The following PDE10A variants were observed in gnomAD, a reference collection of about 807,000 sequenced individuals.
PDE10A encodes phosphodiesterase 10A, also known as cAMP and cAMP-inhibited cGMP 3',5'-cyclic phosphodiesterase 10A.
In PDE10A, 39 loss-of-function variants were observed where a neutral mutation model predicts 97.7. That is an observed-to-expected ratio of 0.40 (90% CI 0.31 to 0.52). PDE10A has a LOEUF of 0.52. Ranked by LOEUF, PDE10A falls within the 20% of genes least tolerant of loss-of-function variation. The pLI is 0.56. For missense variants in PDE10A, 731 were observed against 1,047.8 expected, an observed-to-expected ratio of 0.70 and a Z score of 4.17; for synonymous variants, 371 against 376.8, an observed-to-expected ratio of 0.98 and a Z score of 0.18.
intron 13 of PDE10A, among the ~76,000 whole-genome samples, chr6:165,398,690 T>C (rs1583195834): frequency 2.0e-5 from 3 of 152,262 alleles, no homozygotes; most frequent in East Asian, 3.9e-4. Context: ...ATGAAAACTC[T>C]TTGTGGAGAA....
chr6:165,568,066 T>C (rs1784871241), intron 1 of PDE10A, among the ~76,000 whole-genome samples: 1 of 142,240 alleles, frequency 7.0e-6, no homozygotes, highest in South Asian at 2.4e-4. Context: ...TGGCACAATC[T>C]TGGCTCACTG....
At chr6:165,793,287 G>A (rs957091690) in intron 1 of PDE10A, among the ~76,000 whole-genome samples, 1 of 151,926 alleles carries the variant, frequency 6.6e-6, no homozygotes, top group Non-Finnish European at 1.5e-5. Context: ...ATTGTAAGAA[G>A]TCCTCGGCCT....
At chr6:165,373,429 C>T (rs1214911651) in intron 18 of PDE10A, among the ~76,000 whole-genome samples, 5 of 152,114 alleles carry the variant, frequency 3.3e-5, no homozygotes, top group African/African-American at 9.7e-5. Context: ...AGGATATGAA[C>T]GGACACTTCT....
At chr6:165,438,785 T>C (rs917579887) in intron 5 of PDE10A, among the ~76,000 whole-genome samples, 2 of 151,864 alleles carry the variant, frequency 1.3e-5, no homozygotes, top group African/African-American at 4.8e-5. Context: ...TAGCGAGATC[T>C]GACCTCTACA....
At chr6:165,724,919 G>A (rs1053040690) in intron 1 of PDE10A, among the ~76,000 whole-genome samples, 5 of 152,206 alleles carry the variant, frequency 3.3e-5, no homozygotes, top group East Asian at 1.9e-4. Flanking sequence ...GATATGGGAG[G>A]GGGGCTCGCA....
At position 165,372,702 on chromosome 6, in the gene PDE10A, T is replaced by C. The variant is rs1447824523; in HGVS notation, c.2783+6492A>G. Among the ~76,000 whole-genome samples the C allele has an allele frequency of 1.2e-3, 173 of 140,830 alleles. 2 individuals carry two copies. Among genetic ancestry groups the C allele is most frequent in the Non-Finnish European group, 2.0e-3 (129 of 65,596 alleles). 92.4% of individuals were successfully genotyped at this position (140,830 alleles called of 152,430 possible). On this transcript the variant is annotated intron_variant, in intron 18 of 21. Coordinates refer to ENST00000539869, the MANE Select transcript of PDE10A (RefSeq NM_001385079.1). ...CCATCCCCATCAAGCTACCAATGAC[T>C]TTCTTCACAGAATTGGAAAAAAATA...
At chr6:165,707,244 C>T (rs771734266) in intron 1 of PDE10A, among the ~76,000 whole-genome samples, 2 of 152,200 alleles carry the variant, frequency 1.3e-5, no homozygotes, top group Non-Finnish European at 1.5e-5. Context: ...CCCCCAGTCC[C>T]GCCCTGGTCC....
chr6:165,373,438 C>A (rs370135931), intron 18 of PDE10A, among the ~76,000 whole-genome samples: 1 of 152,194 alleles, frequency 6.6e-6, no homozygotes, highest in Non-Finnish European at 1.5e-5. Context: ...ACGGACACTT[C>A]TCAAAAGAAG....
chr6:165,659,909 AGT>A (rs1424142753), intron 1 of PDE10A, among the ~76,000 whole-genome samples: 2 of 152,294 alleles, frequency 1.3e-5, no homozygotes, highest in Non-Finnish European at 2.9e-5. Context: ...AGCCAACAGC[AGT>A]TTCAGCAGCA....
At chr6:165,546,510 C>T (rs537967649) in intron 1 of PDE10A, among the ~76,000 whole-genome samples, 5 of 152,136 alleles carry the variant, frequency 3.3e-5, no homozygotes, top group East Asian at 1.9e-4. Flanking sequence ...TAATATAAAA[C>T]GTATAAAACA....
At chr6:165,738,082 T>C (rs1792625495) in intron 1 of PDE10A, among the ~76,000 whole-genome samples, 1 of 151,788 alleles carries the variant, frequency 6.6e-6, no homozygotes, top group Non-Finnish European at 1.5e-5. Context: ...TACATACGTA[T>C]ACATGTGCCA....
At chr6:165,859,744 A>AT (rs1381926858) in intron 1 of PDE10A, among the ~76,000 whole-genome samples, 2 of 152,002 alleles carry the variant, frequency 1.3e-5, no homozygotes, top group South Asian at 2.1e-4. Context: ...TTTATGTTCT[A>AT]TTTTTTTATT....
chr6:165,592,054 T>C (rs866974605), intron 1 of PDE10A, among the ~76,000 whole-genome samples: 1 of 152,174 alleles, frequency 6.6e-6, no homozygotes, highest in South Asian at 2.1e-4. Flanking sequence ...GACTTCAAAC[T>C]ATACTACAAC....
At chr6:165,919,323 A>T (rs966097330) in intron 1 of PDE10A, among the ~76,000 whole-genome samples, 4 of 152,160 alleles carry the variant, frequency 2.6e-5, no homozygotes, top group African/African-American at 9.7e-5. Flanking sequence ...GGGACTGGGT[A>T]TGAAGGCACT....
chr6:165,944,916 G>A (rs1264540685), intron 1 of PDE10A, among the ~76,000 whole-genome samples: 1 of 152,180 alleles, frequency 6.6e-6, no homozygotes, highest in African/African-American at 2.4e-5. Context: ...GTGCTCAGAA[G>A]GCAGGGCTTC....
chr6:165,770,225 C>T (rs1777968193), intron 1 of PDE10A, among the ~76,000 whole-genome samples: 1 of 148,790 alleles, frequency 6.7e-6, no homozygotes, highest in Admixed American at 6.7e-5. Context: ...TGAAGTTTCT[C>T]TTACAGTGAA....
intron 5 of PDE10A, among the ~76,000 whole-genome samples, chr6:165,442,313 G>A (rs1790532754): frequency 6.6e-6 from 1 of 151,846 alleles, no homozygotes; most frequent in Admixed American, 6.6e-5. Flanking sequence ...CCCACAACAG[G>A]CCCCAGTGTG....
intron 1 of PDE10A, among the ~76,000 whole-genome samples, chr6:165,804,969 C>G (rs1314990598): frequency 8.3e-6 from 1 of 120,402 alleles, no homozygotes; most frequent in African/African-American, 3.3e-5. Context: ...TGGGGGCGCA[C>G]GGAGGGACGG....
intron 2 of PDE10A, among the ~76,000 whole-genome samples, chr6:165,514,772 G>A (rs560281305): frequency 1.3e-5 from 2 of 152,330 alleles, no homozygotes; most frequent in South Asian, 4.1e-4. Context: ...GGGGGTACCG[G>A]AAGTAGCTCC....
Sources: allele counts gnomAD v4.1 joint callset (sites outside exome capture counted in the v4.1 genomes callset), GRCh38; gene constraint gnomAD v4.1.1; transcripts MANE v1.5; gene names NCBI Gene and HGNC (gene_info 2026-07-23, HGNC 2026-07-21).